The following BICD2 variants were observed in gnomAD, a reference collection of about 807,000 sequenced individuals.
BICD2 encodes the protein BICD cargo adaptor 2.
Under a neutral mutation model 72.9 loss-of-function variants are expected in BICD2, and 25 were observed. The ratio of observed to expected loss-of-function variants is 0.34; its 90% CI spans 0.25 to 0.48. The LOEUF (loss-of-function observed/expected upper bound fraction) is 0.48, where lower values mean the gene tolerates loss of function less well. Ranked by LOEUF, BICD2 falls within the 20% of genes least tolerant of loss-of-function variation. The pLI, the probability that BICD2 is intolerant of heterozygous loss-of-function variation, is 0.99. For synonymous variants in BICD2, 501 were observed against 516.1 expected, an observed-to-expected ratio of 0.97 and a Z score of 0.40; for missense variants, 894 against 1,175.2, an observed-to-expected ratio of 0.76 and a Z score of 3.50.
At position 92,717,784 on chromosome 9, in the gene BICD2, G is replaced by T. The variant is rs765546977; in HGVS notation, c.2258+13C>A. On this transcript the variant is annotated intron_variant, in intron 6 of 6. Transcript: ENST00000356884. ...CCTTGTGGAAGGGGAGGGCCCGACA[G>T]CAGCACGGTTACCTGGTGGCAAACA... 5.6e-6 allele frequency: 9 copies of T among 1,601,404 alleles called. No individual in the cohort carries two copies. The highest frequency in any genetic ancestry group is 2.3e-4 in the Middle Eastern group (1 of 4,400).
intron 1 of BICD2, among the ~76,000 whole-genome samples, chr9:92,762,629 GAA>G (rs1405721990): frequency 6.6e-6 from 1 of 152,146 alleles, no homozygotes; most frequent in Non-Finnish European, 1.5e-5. Context: ...TACATGCCAC[GAA>G]AATGCCAAGA....
intron 1 of BICD2, among the ~76,000 whole-genome samples, chr9:92,729,837 G>A (rs1334260677): frequency 6.6e-6 from 1 of 152,258 alleles, no homozygotes; most frequent in African/African-American, 2.4e-5. Flanking sequence ...TTCCAGAGGG[G>A]TGAGGAACAA....
chr9:92,727,492 A>G (rs1051291665), intron 2 of BICD2, among the ~76,000 whole-genome samples: 1 of 152,190 alleles, frequency 6.6e-6, no homozygotes, highest in African/African-American at 2.4e-5. Flanking sequence ...GCTCAGTGAA[A>G]GGCAAAGCCA....
At chr9:92,747,283 T>G (rs1854033823) in intron 1 of BICD2, among the ~76,000 whole-genome samples, 1 of 152,180 alleles carries the variant, frequency 6.6e-6, no homozygotes, top group Non-Finnish European at 1.5e-5. Context: ...CCCTCTTAGG[T>G]GCTGACCCTT....
intron 1 of BICD2, among the ~76,000 whole-genome samples, chr9:92,733,524 G>GA (rs748599491): frequency 9.5e-4 from 134 of 140,936 alleles, no homozygotes; most frequent in Non-Finnish European, 1.1e-3. Context: ...GACGACAGAG[G>GA]AAAAAAAAAA....
In BICD2 at chr9:92,713,220, G is replaced by A. The variant is rs1853227514; in HGVS notation, c.*1934C>T. On this transcript the variant is annotated 3_prime_UTR_variant, in exon 7 of 7. Coordinates refer to ENST00000356884, the MANE Select transcript of BICD2 (RefSeq NM_001003800.2). ...GGCAGCCAGGGAAGAAGGGTCTTCG[G>A]CCCATACAGAGGCCTTTCCACGCAG... 3.6e-6 allele frequency: 2 copies of A among 555,948 alleles called. No individual in the cohort carries two copies. The highest frequency in any genetic ancestry group is 3.8e-5 in the African/African-American group (2 of 53,050). 34.4% of individuals were successfully genotyped at this position (555,948 alleles called of 1,614,324 possible).
intron 1 of BICD2, among the ~76,000 whole-genome samples, chr9:92,731,896 C>T (rs1361068739): frequency 6.6e-6 from 1 of 152,240 alleles, no homozygotes; most frequent in Non-Finnish European, 1.5e-5. Flanking sequence ...AGCTGGGGAG[C>T]ACTCCCAGGG....
chr9:92,751,130 G>T (rs1587688345), intron 1 of BICD2, among the ~76,000 whole-genome samples: 1 of 148,054 alleles, frequency 6.8e-6, no homozygotes, highest in South Asian at 2.1e-4. Flanking sequence ...AGGGTGGTTG[G>T]TTTTTTGTTG....
rs1287163670 is a variant in BICD2, at chr9:92,719,053, C to G, written c.1592G>C (p.Ser531Thr). The G allele has an allele frequency of 1.9e-6, 3 of 1,612,894 alleles. No homozygotes were observed. The African/African-American group carries it at 4.0e-5, about 22-fold the overall frequency. Residue 531 changes from serine to threonine, a missense_variant, in exon 5 of 7, where the codon AGT (serine) becomes ACT (threonine). Physicochemically the swap from Ser to Thr is moderately conservative, Grantham distance 58 (BLOSUM62 1). Around this residue, in one of 5 missense-constraint regions of BICD2, gnomAD observed 371 missense variants for 439.1 expected, o/e 0.84. Coordinates refer to ENST00000356884, the MANE Select transcript of BICD2 (RefSeq NM_001003800.2). ...GTGGTAGAGATTGGCCAGCTCCTCA[C>G]TGAAGGTCACCAGCTCATCCTGGGC... The part of the protein sequence containing the change: ...SVAQDELVTF[S>T]EELANLYHHV...
rs564069001 is a variant in BICD2, at chr9:92,715,129, T to C, written c.*25A>G. The stretch of plus-strand genomic sequence containing the variant: ...TAGTTGAGGTGAAGCAGATGTTAGC[T>C]GCAGCGTGCGGCGCCCCACAGCCCC... On this transcript the variant is annotated 3_prime_UTR_variant, in exon 7 of 7. Transcript: ENST00000356884. 1.9e-6 allele frequency: 3 copies of C among 1,543,914 alleles called. No homozygotes were observed. The highest frequency in any genetic ancestry group is 2.6e-6 in the Non-Finnish European group (3 of 1,141,566).
intron 1 of BICD2, among the ~76,000 whole-genome samples, chr9:92,745,383 C>T (rs1159814907): frequency 5.9e-5 from 9 of 151,756 alleles, no homozygotes; most frequent in South Asian, 2.1e-4. Context: ...GATCCAAGAA[C>T]GGTGTAGAGG....
In BICD2 at chr9:92,716,360, C is replaced by A. The variant is rs544676189; in HGVS notation, c.2259-897G>T. On this transcript the variant is annotated intron_variant, in intron 6 of 6. Transcript: ENST00000356884. Reference sequence around the variant, plus strand: ...AATTTTAAAAGGTAGGGTTTACATGCCAGATACTGAGAAACTGTGGGATTT... The same window carrying A: ...AATTTTAAAAGGTAGGGTTTACATGACAGATACTGAGAAACTGTGGGATTT... Among the ~76,000 whole-genome samples, 8 of 152,296 alleles carry A rather than the reference C, an allele frequency of 5.3e-5. No individual in the cohort carries two copies. In the South Asian group the frequency reaches 1.7e-3, roughly 32 times the overall value.
At position 92,764,707 on chromosome 9, in the gene BICD2, A is replaced by C. The variant is rs1340902320; in HGVS notation, c.38T>G (p.Leu13Arg). 1.4e-5 allele frequency: 22 copies of C among 1,586,590 alleles called. No individual in the cohort carries two copies. The highest frequency in any genetic ancestry group is 1.8e-5 in the Non-Finnish European group (21 of 1,173,004). Residue 13 changes from leucine to arginine, a missense_variant, in exon 1 of 7, where the codon CTG (leucine) becomes CGG (arginine). Coordinates refer to ENST00000356884, the MANE Select transcript of BICD2 (RefSeq NM_001003800.2). This position sits in a 1 kb window ranked among gnomAD's most constrained non-coding sequence, Gnocchi z 5.5. ...CCACTCCGGCTGCGCCTCCATCACC[A>C]GCCGCGCGTACTCCTCCTCCTCCGA... ...APSEEEEYAR[L>R]VMEAQPEWLR...
intron 1 of BICD2, among the ~76,000 whole-genome samples, chr9:92,758,885 G>A (rs1276708725): frequency 4.0e-5 from 6 of 151,546 alleles, no homozygotes; most frequent in Non-Finnish European, 7.4e-5. Flanking sequence ...TAGATCAGGC[G>A]TGGTAGCTCA....
intron 2 of BICD2, among the ~76,000 whole-genome samples, chr9:92,725,663 CTCCCCTT>C (rs147023243): frequency 0.067 from 10,264 of 152,312 alleles, 464 homozygotes; most frequent in Non-Finnish European, 0.098. Flanking sequence ...CCCATCTCAA[CTCCCCTT>C]TGTGGGATCC....
At chr9:92,728,728 C>A (rs1038964486) in intron 2 of BICD2, among the ~76,000 whole-genome samples, 2 of 152,250 alleles carry the variant, frequency 1.3e-5, no homozygotes, top group African/African-American at 4.8e-5. Flanking sequence ...GCTAACTGCA[C>A]CCCTCCCTGA....
chr9:92,731,553 G>A (rs1853679172), intron 1 of BICD2, among the ~76,000 whole-genome samples: 1 of 152,102 alleles, frequency 6.6e-6, no homozygotes, highest in African/African-American at 2.4e-5. Context: ...TTCACATCAT[G>A]GGCACTAGAT....
At chr9:92,740,961 GC>G (rs1418446156) in intron 1 of BICD2, among the ~76,000 whole-genome samples, 4 of 152,218 alleles carry the variant, frequency 2.6e-5, no homozygotes, top group Non-Finnish European at 5.9e-5. Flanking sequence ...GTGTAGCACA[GC>G]AGGTCTTGAG....
At chr9:92,733,186 C>T (rs1401376711) in intron 1 of BICD2, among the ~76,000 whole-genome samples, 1 of 152,110 alleles carries the variant, frequency 6.6e-6, no homozygotes, top group East Asian at 1.9e-4. Flanking sequence ...AGAAATAAAA[C>T]CTCATATATA....
Sources: gnomAD v4.1 joint callset for allele counts (sites outside exome capture counted in the v4.1 genomes callset) on GRCh38, gnomAD v4.1.1 for gene constraint, gnomAD v4.1.1 regional missense constraint, Gnocchi (gnomAD v3.1) non-coding constraint, MANE v1.5 for transcripts, NCBI Gene and HGNC (gene_info 2026-07-23, HGNC 2026-07-21) for gene names.